The following ZNRF2 variants were observed in gnomAD, a reference collection of about 807,000 sequenced individuals.
The protein encoded by ZNRF2 is zinc and ring finger 2.
In ZNRF2, 16 loss-of-function variants were observed where a neutral mutation model predicts 20.4. The ratio of observed to expected loss-of-function variants is 0.79; its 90% confidence interval spans 0.53 to 1.19. The LOEUF is 1.19. Among genes scored for constraint, ZNRF2 ranks in the 50% most tolerant of loss-of-function variants. ZNRF2 has a pLI of 0.00. For synonymous variants in ZNRF2, 178 were observed against 144.9 expected (o/e 1.23, Z -1.64); for missense variants, 363 against 332.4 (o/e 1.09, Z -0.72).
intron 1 of ZNRF2, among the ~76,000 whole-genome samples, chr7:30,294,080 T>G (rs1340781952): frequency 6.6e-6 from 1 of 151,924 alleles, no homozygotes; most frequent in Non-Finnish European, 1.5e-5. Flanking sequence ...TTATGTGTAA[T>G]ATGTTTCAGA....
At chr7:30,343,685 G>GTT (rs11320046) in intron 2 of ZNRF2, among the ~76,000 whole-genome samples, 1 of 147,696 alleles carries the variant, frequency 6.8e-6, no homozygotes, top group Admixed American at 6.7e-5. Flanking sequence ...TGCCTGATAA[G>GTT]TTTTTTTTTT....
intron 1 of ZNRF2, among the ~76,000 whole-genome samples, chr7:30,297,925 T>C (rs1164747574): frequency 1.3e-5 from 2 of 152,056 alleles, no homozygotes; most frequent in Non-Finnish European, 2.9e-5. Flanking sequence ...AGTGTAGTCG[T>C]GTGATCCTAG....
chr7:30,338,242 A>G (rs1172833380), intron 2 of ZNRF2, among the ~76,000 whole-genome samples: 1 of 149,208 alleles, frequency 6.7e-6, no homozygotes, highest in African/African-American at 2.5e-5. Context: ...TTTGGTAATT[A>G]TTTGCCAGAT....
intron 2 of ZNRF2, among the ~76,000 whole-genome samples, chr7:30,339,748 CT>C (rs1799767837): frequency 6.6e-6 from 1 of 152,124 alleles, no homozygotes; most frequent in Non-Finnish European, 1.5e-5. Flanking sequence ...GCTCTATGGG[CT>C]CTTTTTTGGT....
At chr7:30,296,093 C>T (rs1394033792) in intron 1 of ZNRF2, among the ~76,000 whole-genome samples, 1 of 152,042 alleles carries the variant, frequency 6.6e-6, no homozygotes, top group Non-Finnish European at 1.5e-5. Flanking sequence ...TTGATAACTA[C>T]ATTATTATGT....
At chr7:30,351,701 T>G (rs780564342) in intron 2 of ZNRF2, among the ~76,000 whole-genome samples, 3 of 152,056 alleles carry the variant, frequency 2.0e-5, no homozygotes, top group Non-Finnish European at 4.4e-5. Context: ...TTCTGGTAAG[T>G]TACTTTACTT....
At chr7:30,341,287 T>A (rs1799792437) in intron 2 of ZNRF2, among the ~76,000 whole-genome samples, 1 of 152,032 alleles carries the variant, frequency 6.6e-6, no homozygotes, top group Non-Finnish European at 1.5e-5. Context: ...GCTTTTGAAT[T>A]TGTTTGCTCT....
intron 1 of ZNRF2, among the ~76,000 whole-genome samples, chr7:30,307,400 C>T (rs1391748947): frequency 7.8e-6 from 1 of 128,326 alleles, no homozygotes. Context: ...GTCTTTCTCA[C>T]ATCTGTACTA....
At chr7:30,345,077 T>C (rs1410407322) in intron 2 of ZNRF2, among the ~76,000 whole-genome samples, 2 of 152,200 alleles carry the variant, frequency 1.3e-5, no homozygotes, top group Non-Finnish European at 2.9e-5. Flanking sequence ...GGTCAGTTTT[T>C]AGGACTTGGT....
intron 2 of ZNRF2, among the ~76,000 whole-genome samples, chr7:30,337,782 T>C (rs1044562513): frequency 1.5e-4 from 23 of 151,972 alleles, no homozygotes; most frequent in African/African-American, 5.6e-4. Flanking sequence ...TTTAAATTAA[T>C]TTAAATTTTA....
chr7:30,296,290 G>A (rs1459250105), intron 1 of ZNRF2, among the ~76,000 whole-genome samples: 1 of 152,176 alleles, frequency 6.6e-6, no homozygotes, highest in Admixed American at 6.5e-5. Context: ...TGCCTTAGAA[G>A]TAAAATTATA....
chr7:30,285,470 G>A lies in ZNRF2; in HGVS notation c.113G>A (p.Gly38Asp). ...GGCGCCAATGGGACCGCGGGCGGCG[G>A]CGGGGGCGCTCGGGCCGCCGCCGCG... ...SGGANGTAGG[G>D]GGARAAAAGR... The change falls in exon 1 of 5, where the codon GGC (glycine) becomes GAC (aspartate). Residue 38 changes from glycine (G) to aspartate (D), a missense_variant. Around this residue, in one of 2 missense-constraint regions of ZNRF2, gnomAD observed 302 missense variants for 231.5 expected, o/e 1.30. Transcript: ENST00000323037. The A allele has an allele frequency of 1.8e-6, 2 of 1,118,774 alleles. No homozygotes were observed. The highest frequency in any genetic ancestry group is 2.2e-6 in the Non-Finnish European group (2 of 914,502). The allele number at this position is 1,118,774 out of a possible 1,614,324, so 69.3% of individuals were successfully genotyped here.
At position 30,295,050 on chromosome 7, in the gene ZNRF2, A is replaced by AGTGTGTGT. The variant is rs71536219; in HGVS notation, c.469+9268_469+9275dup. ...GAGAGAGAGAGAGAGAGAGAGAGAG[A>AGTGTGTGT]GTGTGTGTGTGTGTGTGTGTGTGTG... On this transcript the variant is annotated intron_variant, in intron 1 of 4. Coordinates refer to ENST00000323037, the MANE Select transcript of ZNRF2 (RefSeq NM_147128.4). Among the ~76,000 whole-genome samples the AGTGTGTGT allele has an allele frequency of 4.6e-3, 178 of 38,288 alleles. 8 individuals carry two copies. The highest frequency in any genetic ancestry group is 9.1e-3 in the East Asian group (9 of 986). The allele number at this position is 38,288 out of a possible 152,430, so 25.1% of individuals were successfully genotyped here.
At chr7:30,354,362 T>A (rs780342984) in intron 2 of ZNRF2, among the ~76,000 whole-genome samples, 15 of 152,174 alleles carry the variant, frequency 9.9e-5, no homozygotes, top group Non-Finnish European at 1.6e-4. Flanking sequence ...TGCTGAGGCC[T>A]TTGCTTATTC....
chr7:30,347,770 G>T (rs1046534416), intron 2 of ZNRF2, among the ~76,000 whole-genome samples: 1 of 152,010 alleles, frequency 6.6e-6, no homozygotes, highest in Non-Finnish European at 1.5e-5. Flanking sequence ...ATTTTCACAT[G>T]GTTGGTTACA....
intron 2 of ZNRF2, among the ~76,000 whole-genome samples, chr7:30,337,628 A>C (rs955750493): frequency 6.6e-6 from 1 of 152,120 alleles, no homozygotes; most frequent in Non-Finnish European, 1.5e-5. Flanking sequence ...GTTCGTACAA[A>C]CATGTTTGAA....
intron 1 of ZNRF2, among the ~76,000 whole-genome samples, chr7:30,313,957 A>T (rs1799327982): frequency 6.6e-6 from 1 of 152,214 alleles, no homozygotes. Flanking sequence ...CTCATATTAT[A>T]AATTAAGGAT....
chr7:30,313,588 A>T (rs985036917), intron 1 of ZNRF2, among the ~76,000 whole-genome samples: 2 of 152,142 alleles, frequency 1.3e-5, no homozygotes, highest in Non-Finnish European at 2.9e-5. Flanking sequence ...ACAAACAAAT[A>T]GACTGTAACT....
rs370201301 is a variant in ZNRF2 at position 30,326,540 on chromosome 7, A to G, written c.565+2803A>G. ...TTTTCTTTATCCAGTCTATCATTTG[A>G]TGGGCATTTAGGTTGATTCCATGTC... On this transcript the variant is annotated intron_variant, in intron 2 of 4. Coordinates refer to ENST00000323037, the MANE Select transcript of ZNRF2 (RefSeq NM_147128.4). Among the ~76,000 whole-genome samples the G allele has an allele frequency of 1.7e-4, 26 of 152,254 alleles. No homozygotes were observed. The East Asian group carries it at 4.6e-3, about 27-fold the overall frequency.
Sources: gnomAD v4.1 joint callset for allele counts (sites outside exome capture counted in the v4.1 genomes callset) on GRCh38, gnomAD v4.1.1 for gene constraint, gnomAD v4.1.1 regional missense constraint, MANE v1.5 for transcripts, NCBI Gene and HGNC (gene_info 2026-07-23, HGNC 2026-07-21) for gene names.